Variants in RCN3 observed in about 807,000 individuals in gnomAD.
RCN3 encodes the protein reticulocalbin 3.
RCN3 carries 41 observed loss-of-function variants against 35.9 expected under a neutral mutation model. The ratio of observed to expected loss-of-function variants is 1.14; its 90% CI spans 0.89 to 1.48. The LOEUF is 1.48. RCN3 is among the 40% of genes most tolerant of loss of function. The pLI, the probability that RCN3 is intolerant of heterozygous loss-of-function variation, is 0.00. For synonymous variants in RCN3, 187 were observed against 193.4 expected (o/e 0.97, Z 0.27); for missense variants, 451 against 471.3 (o/e 0.96, Z 0.40).
At chr19:49,539,731 T>C (rs980534021) in intron 5 of RCN3, among the ~76,000 whole-genome samples, 32 of 146,272 alleles carry the variant, frequency 2.2e-4, no homozygotes, top group African/African-American at 8.2e-4. Flanking sequence ...TTTTTTTTTT[T>C]TTTTTTTTTT....
intron 2 of RCN3, among the ~76,000 whole-genome samples, chr19:49,530,359 T>G (rs2080102473): frequency 6.8e-6 from 1 of 146,104 alleles, no homozygotes; most frequent in Admixed American, 7.0e-5. Context: ...TTAGTAGAGA[T>G]GGGGTTTCAC....
chr19:49,542,778 G>A (rs565217674), intron 6 of RCN3, 26 bp downstream of exon 6: 1 of 1,553,760 alleles, frequency 6.4e-7, no homozygotes, highest in Middle Eastern at 1.7e-4. Flanking sequence ...CTCGGCAGGA[G>A]CGAGGAGCGG....
chr19:49,538,319 T>C (rs1369438439), intron 4 of RCN3, among the ~76,000 whole-genome samples: 6 of 150,668 alleles, frequency 4.0e-5, no homozygotes, highest in East Asian at 1.9e-4. Flanking sequence ...CATGCCGCCA[T>C]GCCCGGCTAA....
intron 2 of RCN3, among the ~76,000 whole-genome samples, chr19:49,532,757 C>T (rs915539078): frequency 5.3e-5 from 8 of 152,158 alleles, no homozygotes; most frequent in African/African-American, 1.7e-4. Context: ...CTCACTGCAA[C>T]CTCCACCTCC....
intron 3 of RCN3, among the ~76,000 whole-genome samples, chr19:49,536,338 T>C (rs1213225362): frequency 1.4e-5 from 2 of 144,606 alleles, no homozygotes; most frequent in Non-Finnish European, 3.0e-5. Context: ...TTCACTCTTG[T>C]TGGCCAGGCT....
rs993003932 is a variant in RCN3, at chr19:49,534,054, G to A, written c.243-139G>A. ...GGGCTTGGTCCCGAAATTGACCCGC[G>A]CCCCTCCCCAGTTAGCCCGCGGACC... On this transcript the variant is annotated intron_variant, in intron 2 of 6. Transcript: ENST00000270645. 2.8e-5 allele frequency: 24 copies of A among 864,990 alleles called. No individual in the cohort carries two copies. In the Admixed American group the frequency reaches 7.7e-4, roughly 28 times the overall value. The allele number at this position is 864,990 out of a possible 1,614,324, so 53.6% of individuals were successfully genotyped here. A position where few individuals can be genotyped will look rare whatever the true frequency, so the allele number is the denominator to read the frequency against.
intron 4 of RCN3, 93 bp downstream of exon 4, chr19:49,537,298 A>G: frequency 1.6e-6 from 2 of 1,246,726 alleles, no homozygotes; most frequent in Non-Finnish European, 2.1e-6. Flanking sequence ...ACCTGGGGGC[A>G]GGCAGTCACC....
intron 3 of RCN3, among the ~76,000 whole-genome samples, chr19:49,535,470 C>CT (rs1383655841): frequency 1.3e-5 from 2 of 152,178 alleles, no homozygotes; most frequent in African/African-American, 4.8e-5. Flanking sequence ...ACTGTATGTG[C>CT]TTTTTTGTGA....
chr19:49,528,777 A>G, intron 2 of RCN3, 63 bp downstream of exon 2: 11 of 1,452,164 alleles, frequency 7.6e-6, no homozygotes, highest in East Asian at 2.6e-5. Flanking sequence ...ACGCGGGGGT[A>G]TCGACAGGGG....
chr19:49,543,249 C>T lies in RCN3; in HGVS notation c.*36C>T, dbSNP rs117814164. 1,815 of 1,546,006 alleles carry T rather than the reference C, an allele frequency of 1.2e-3. 40 individuals carry two copies. The East Asian group carries it at 0.039, about 33-fold the overall frequency. ...CCTGCCACAGCCTCAGAGGCCCGCA[C>T]AATGACCGGAGGAGGGGCCGCTGTG... On this transcript the variant is annotated 3_prime_UTR_variant, in exon 7 of 7. Coordinates refer to ENST00000270645, the MANE Select transcript of RCN3 (RefSeq NM_020650.3).
intron 5 of RCN3, among the ~76,000 whole-genome samples, chr19:49,539,545 G>A (rs1165097834): frequency 1.3e-5 from 2 of 151,904 alleles, no homozygotes; most frequent in African/African-American, 4.8e-5. Context: ...TGAGAATGGG[G>A]GTCAGGAAGC....
At chr19:49,528,157 C>G (rs1488139562) in intron 1 of RCN3, 99 bp downstream of exon 1, 2 of 320,280 alleles carry the variant, frequency 6.2e-6, no homozygotes, top group African/African-American at 2.1e-5. Context: ...TGCCTGACCT[C>G]TCGCTGGCCA....
At chr19:49,542,773 C>T in intron 6 of RCN3, 21 bp downstream of exon 6, 1 of 1,560,604 alleles carries the variant, frequency 6.4e-7, no homozygotes. Flanking sequence ...GGGGCCTCGG[C>T]AGGAGCGAGG....
chr19:49,538,514 G>T (rs1044002397), intron 4 of RCN3, among the ~76,000 whole-genome samples: 1 of 151,670 alleles, frequency 6.6e-6, no homozygotes, highest in Non-Finnish European at 1.5e-5. Context: ...GTCTCGCCAT[G>T]TTGCCCAGGC....
At chr19:49,540,977 C>G (rs368767439) in intron 5 of RCN3, among the ~76,000 whole-genome samples, 2 of 151,208 alleles carry the variant, frequency 1.3e-5, no homozygotes, top group Admixed American at 6.6e-5. Context: ...GTCGCCCAGG[C>G]TGGAGTGCAG....
intron 5 of RCN3, among the ~76,000 whole-genome samples, chr19:49,540,125 C>CT (rs1283196543): frequency 6.6e-6 from 1 of 151,896 alleles, no homozygotes; most frequent in Non-Finnish European, 1.5e-5. Context: ...CTCTCACTTT[C>CT]TTTCTTTCTG....
intron 2 of RCN3, among the ~76,000 whole-genome samples, chr19:49,532,148 C>T (rs1206877406): frequency 7.2e-6 from 1 of 139,652 alleles, no homozygotes; most frequent in Non-Finnish European, 1.5e-5. Context: ...CTCTGTCATC[C>T]AGGCTGGAGT....
rs1446886806 is a variant in RCN3 at position 49,534,196 on chromosome 19, G to A, written c.246G>A (p.Arg82=). 2.7e-6 allele frequency: 4 copies of A among 1,491,922 alleles called. No individual in the cohort carries two copies. Among genetic ancestry groups the A allele is most frequent in the Admixed American group, 2.2e-5 (1 of 45,766 alleles). 92.4% of individuals were successfully genotyped at this position (1,491,922 alleles called of 1,614,324 possible). Reference sequence around the variant, plus strand: ...GTGTGCCCGCCCCGGCTTCTAGGCGGATCGTGGACCGCATGGACCGCGCGG... The same window carrying A: ...GTGTGCCCGCCCCGGCTTCTAGGCGAATCGTGGACCGCATGGACCGCGCGG... ...TPEESQARLG[R]IVDRMDRAGD... The change falls in exon 3 of 7, where the codon CGG becomes CGA. Residue 82 remains arginine (R), a synonymous_variant. Transcript: ENST00000270645.
intron 1 of RCN3, 80 bp from the exon 2 acceptor site, chr19:49,528,387 C>T: frequency 1.5e-6 from 2 of 1,345,336 alleles, no homozygotes; most frequent in Non-Finnish European, 2.0e-6. Context: ...CCTAGGTAAC[C>T]CCTCCACCCC....
Sources: gnomAD v4.1 joint callset for allele counts (sites outside exome capture counted in the v4.1 genomes callset) on GRCh38, gnomAD v4.1.1 for gene constraint, MANE v1.5 for transcripts, NCBI Gene and HGNC (gene_info 2026-07-23, HGNC 2026-07-21) for gene names.